Variants in TEX101 observed in about 807,000 individuals in gnomAD.
The protein encoded by TEX101 is testis-expressed protein 101.
A neutral mutation model predicts 18.1 loss-of-function variants in TEX101; 10 were observed. That is an observed-to-expected ratio of 0.55 (90% CI 0.34 to 0.94). The LOEUF (loss-of-function observed/expected upper bound fraction) is 0.94, where lower values mean the gene tolerates loss of function less well. TEX101 is among the 40% of genes least tolerant of loss of function. The pLI, the probability that TEX101 is intolerant of heterozygous loss-of-function variation, is 0.02. For missense variants in TEX101, 259 were observed against 298.9 expected (o/e 0.87, Z 0.98); for synonymous variants, 94 against 114.8 (o/e 0.82, Z 1.16).
At chr19:43,388,810 G>C in the TEX101 span, among the ~76,000 whole-genome samples, 1 of 152,198 alleles carries the variant, frequency 6.6e-6, no homozygotes, top group Non-Finnish European at 1.5e-5. Context: ...CATAAGACAA[G>C]TTTCTTTTAC....
At chr19:43,394,660 C>T in the TEX101 span, among the ~76,000 whole-genome samples, 3 of 152,002 alleles carry the variant, frequency 2.0e-5, no homozygotes, top group East Asian at 1.9e-4. Context: ...TTAGTAGAGA[C>T]GGGGTTTCAC....
chr19:43,413,629 C>T (rs200377537), upstream of TEX101, among the ~76,000 whole-genome samples: 17 of 152,156 alleles, frequency 1.1e-4, no homozygotes, highest in East Asian at 2.3e-3. Context: ...GTCTGCAGCT[C>T]ATCCTGCTAC....
chr19:43,404,662 T>C (rs1227370338), intron 2 of TEX101, among the ~76,000 whole-genome samples: 2 of 151,934 alleles, frequency 1.3e-5, no homozygotes, highest in Non-Finnish European at 2.9e-5. Context: ...TACATGTGTA[T>C]GTATGTGTGT....
chr19:43,391,150 A>G, the TEX101 span, among the ~76,000 whole-genome samples: 15 of 152,204 alleles, frequency 9.9e-5, no homozygotes, highest in Non-Finnish European at 2.9e-5. Context: ...TCACGGATGG[A>G]TGGACACTGG....
At chr19:43,415,426 G>C (rs1237458291) in intron 1 of TEX101, among the ~76,000 whole-genome samples, 1 of 152,080 alleles carries the variant, frequency 6.6e-6, no homozygotes, top group East Asian at 1.9e-4. Context: ...AAGCCGGTTA[G>C]GGACAGAACG....
At chr19:43,395,388 C>T in the TEX101 span, among the ~76,000 whole-genome samples, 1 of 152,222 alleles carries the variant, frequency 6.6e-6, no homozygotes, top group African/African-American at 2.4e-5. Flanking sequence ...AACTTGATCC[C>T]TTTCAGGCCA....
chr19:43,414,085 T>C (rs947935183), upstream of TEX101, among the ~76,000 whole-genome samples: 6 of 149,642 alleles, frequency 4.0e-5, no homozygotes, highest in East Asian at 2.0e-4. Context: ...GATTGTGCCA[T>C]TGCACTCCAG....
At chr19:43,410,105 G>T (rs1409136942), upstream of TEX101, among the ~76,000 whole-genome samples, 1 of 152,170 alleles carries the variant, frequency 6.6e-6, no homozygotes, top group Non-Finnish European at 1.5e-5. Flanking sequence ...TGTAAGGTTT[G>T]CAGAAGATCT....
chr19:43,399,499 A>T (rs1016295515), upstream of TEX101, among the ~76,000 whole-genome samples: 1 of 152,114 alleles, frequency 6.6e-6, no homozygotes. Flanking sequence ...CTGCATTTTT[A>T]AAAGCTAGAC....
exon 2 of TEX101, chr19:43,402,828 T>G: frequency 6.6e-6 from 1 of 152,310 alleles, no homozygotes; most frequent in African/African-American, 2.4e-5. Context: ...GTGATCCGCC[T>G]GCCTTGGCCT....
upstream of TEX101, among the ~76,000 whole-genome samples, chr19:43,409,950 T>C (rs550772645): frequency 4.6e-5 from 7 of 152,256 alleles, no homozygotes; most frequent in African/African-American, 1.7e-4. Flanking sequence ...AGTGGGAGGA[T>C]TGTTTGAGCC....
intron 4 of TEX101, among the ~76,000 whole-genome samples, chr19:43,416,947 T>G (rs1970485909): frequency 6.7e-6 from 1 of 150,214 alleles, no homozygotes; most frequent in African/African-American, 2.5e-5. Flanking sequence ...GCAGGAGAAT[T>G]GCTTGAACCC....
intron 2 of TEX101, among the ~76,000 whole-genome samples, chr19:43,403,329 T>G (rs1344596089): frequency 6.6e-6 from 1 of 152,212 alleles, no homozygotes; most frequent in Non-Finnish European, 1.5e-5. Context: ...AGAAACTTCA[T>G]GCTGTATCAG....
In TEX101 at chr19:43,404,777, T is replaced by C. The variant is rs192842711; in HGVS notation, c.-282-1446T>C. Among the ~76,000 whole-genome samples the C allele has an allele frequency of 5.3e-3, 802 of 151,524 alleles. 8 individuals carry two copies. The highest frequency in any genetic ancestry group is 0.018 in the African/African-American group (741 of 41,440). ...TTAGGTGAATATATAAATATATATA[T>C]ACTTAAGTTGTGTGCACTTTACTCT... On this transcript the variant is annotated intron_variant, in intron 2 of 7. Transcript: ENST00000602198.
At chr19:43,416,845 C>T (rs190473326) in intron 4 of TEX101, among the ~76,000 whole-genome samples, 1 of 152,012 alleles carries the variant, frequency 6.6e-6, no homozygotes, top group Non-Finnish European at 1.5e-5. Context: ...CCAGCTTGGC[C>T]AACATGGTGA....
chr19:43,410,765 TAC>T (rs375537932), upstream of TEX101, among the ~76,000 whole-genome samples: 3 of 147,770 alleles, frequency 2.0e-5, no homozygotes, highest in African/African-American at 7.5e-5. Context: ...AGCACACAGA[TAC>T]ACACAGACAT....
chr19:43,406,317 T>C (rs1465227958), exon 3 of TEX101: 3 of 558,110 alleles, frequency 5.4e-6, no homozygotes, highest in Admixed American at 3.3e-5. Context: ...CCCATGTAAT[T>C]AGTGACGCGC....
chr19:43,390,256 T>C, the TEX101 span, among the ~76,000 whole-genome samples: 1 of 152,146 alleles, frequency 6.6e-6, no homozygotes, highest in African/African-American at 2.4e-5. Context: ...AGCCTGTGTC[T>C]CATCCCTGTT....
chr19:43,390,571 G>A, the TEX101 span, among the ~76,000 whole-genome samples: 1 of 132,218 alleles, frequency 7.6e-6, no homozygotes, highest in African/African-American at 2.8e-5. Flanking sequence ...GGGTTCAACC[G>A]ATTCTCCTGC....
Sources: allele counts gnomAD v4.1 joint callset (sites outside exome capture counted in the v4.1 genomes callset), GRCh38; gene constraint gnomAD v4.1.1; transcripts MANE v1.5; gene names NCBI Gene and HGNC (gene_info 2026-07-23, HGNC 2026-07-21).